Variants in SEPSECS observed in about 807,000 individuals in gnomAD.
SEPSECS encodes O-phosphoseryl-tRNA(Sec) selenium transferase.
SEPSECS carries 42 observed loss-of-function variants against 52.1 expected under a neutral mutation model. The observed-to-expected ratio is 0.81, with a 90% CI of 0.63 to 1.04. The LOEUF (loss-of-function observed/expected upper bound fraction) is 1.04. Ranked by LOEUF, SEPSECS falls within the 50% of genes least tolerant of loss-of-function variation. The pLI, the probability that SEPSECS is intolerant of heterozygous loss-of-function variation, is 0.00. For missense variants in SEPSECS, 590 were observed against 610.6 expected (o/e 0.97, Z 0.36); for synonymous variants, 216 against 211.4 (o/e 1.02, Z -0.19).
intron 8 of SEPSECS, among the ~76,000 whole-genome samples, chr4:25,138,770 C>T (rs1362103175): frequency 4.6e-5 from 7 of 152,140 alleles, no homozygotes; most frequent in Non-Finnish European, 8.8e-5. Context: ...TGCCCCAAAA[C>T]AAGGGCTATC....
rs754956032 is a variant in SEPSECS at position 25,155,106 on chromosome 4, A to G, written c.593T>C (p.Leu198Pro). ...CTCCACTGCTTTCAGGTCTGTACGC[A>G]GCTCGTCACCTTCCAAAACATTTTC... ...VIENVLEGDE[L>P]RTDLKAVEAK... Residue 198 changes from leucine (L) to proline (P), a missense_variant, in exon 5 of 11, where the codon CTG (leucine) becomes CCG (proline). Physicochemically the swap from Leu to Pro is moderately conservative, Grantham distance 98. Coordinates refer to ENST00000382103, the MANE Select transcript of SEPSECS (RefSeq NM_016955.4). The G allele has an allele frequency of 3.7e-6, 6 of 1,614,202 alleles. No homozygotes were observed. In the South Asian group the frequency reaches 5.5e-5, roughly 15 times the overall value.
intron 5 of SEPSECS, among the ~76,000 whole-genome samples, chr4:25,153,985 G>A (rs1054079713): frequency 2.6e-5 from 4 of 152,010 alleles, no homozygotes; most frequent in African/African-American, 9.7e-5. Flanking sequence ...TCCATATGCT[G>A]TTTTTCAAAA....
In SEPSECS at chr4:25,122,287, T is replaced by C. The variant is rs1728158327; in HGVS notation, c.*1644A>G. ...GGTCAAGCCAGTGGCCATAGGCGTC[T>C]ACCTTACACATGTCTGACCTCATGT... On this transcript the variant is annotated 3_prime_UTR_variant, in exon 11 of 11. Transcript: ENST00000382103. 1 of 152,160 alleles carries C rather than the reference T, an allele frequency of 6.6e-6. No homozygotes were observed. Among genetic ancestry groups the C allele is most frequent in the South Asian group, 2.1e-4 (1 of 4,832 alleles). 9.4% of individuals were successfully genotyped at this position (152,160 alleles called of 1,614,324 possible).
chr4:25,126,018 G>A (rs1056009572), intron 9 of SEPSECS, among the ~76,000 whole-genome samples: 13 of 152,096 alleles, frequency 8.5e-5, no homozygotes, highest in African/African-American at 3.1e-4. Flanking sequence ...GCCTTCAGGA[G>A]AGTAAATTTT....
rs561719478 is a variant in SEPSECS, at chr4:25,136,155, G to A, written c.1026+8619C>T. 2.0e-5 allele frequency among the ~76,000 whole-genome samples: 3 copies of A among 152,274 alleles called. No homozygotes were observed. In the South Asian group the frequency reaches 6.2e-4, roughly 32 times the overall value. ...TTGAAAACCAGCTCAAGACAAGGAT[G>A]CCCTCTCTCACCACTCTTATTCAAC... On this transcript the variant is annotated intron_variant, in intron 8 of 10. Coordinates refer to ENST00000382103, the MANE Select transcript of SEPSECS (RefSeq NM_016955.4).
At chr4:25,159,914 G>A (rs1362114738) in intron 1 of SEPSECS, 9 of 1,191,978 alleles carry the variant, frequency 7.6e-6, no homozygotes, top group Non-Finnish European at 9.5e-6. Flanking sequence ...CTGAGTCGTT[G>A]AGGGTTGGTG....
intron 5 of SEPSECS, among the ~76,000 whole-genome samples, chr4:25,152,664 C>G (rs879704744): frequency 6.6e-6 from 1 of 151,932 alleles, no homozygotes; most frequent in Non-Finnish European, 1.5e-5. Context: ...TCTACTCTTA[C>G]TTTTTCATTT....
chr4:25,150,296 T>C (rs900604969), intron 6 of SEPSECS, among the ~76,000 whole-genome samples: 4 of 152,246 alleles, frequency 2.6e-5, no homozygotes, highest in Admixed American at 2.0e-4. Flanking sequence ...AACATCATTA[T>C]GCACACAAAC....
chr4:25,135,092 C>T (rs1728783063), intron 8 of SEPSECS, among the ~76,000 whole-genome samples: 1 of 151,948 alleles, frequency 6.6e-6, no homozygotes, highest in South Asian at 2.1e-4. Flanking sequence ...GCACTAAATG[C>T]TCACATCAAA....
At position 25,120,192 on chromosome 4, in the gene SEPSECS, G is replaced by A. The variant is rs1728061883; in HGVS notation, c.*3739C>T. 2 of 152,100 alleles carry A rather than the reference G, an allele frequency of 1.3e-5. No homozygotes were observed. Among genetic ancestry groups the A allele is most frequent in the Admixed American group, 1.3e-4 (2 of 15,260 alleles). The allele number at this position is 152,100 out of a possible 1,614,324, so 9.4% of individuals were successfully genotyped here. A position where few individuals can be genotyped will look rare whatever the true frequency, so the allele number is the denominator to read the frequency against. On this transcript the variant is annotated 3_prime_UTR_variant, in exon 11 of 11. Transcript: ENST00000382103. ...CCCCACGGTTATACAGTTAAGCATAGCCTTTCTTTGTATTTCTCAAGTTGA... is the reference window on the plus strand; with the variant it reads ...CCCCACGGTTATACAGTTAAGCATAACCTTTCTTTGTATTTCTCAAGTTGA...
intron 6 of SEPSECS, among the ~76,000 whole-genome samples, chr4:25,147,328 G>A (rs1560331587): frequency 6.6e-6 from 1 of 152,182 alleles, no homozygotes; most frequent in Non-Finnish European, 1.5e-5. Flanking sequence ...GCTCTATGAG[G>A]GTTAAAGATT....
rs546349828 is a variant in SEPSECS, at chr4:25,133,787, A to G, written c.1027-6430T>C. 3.9e-5 allele frequency among the ~76,000 whole-genome samples: 6 copies of G among 152,152 alleles called. No homozygotes were observed. In the East Asian group the frequency reaches 1.2e-3, roughly 29 times the overall value. On this transcript the variant is annotated intron_variant, in intron 8 of 10. Transcript: ENST00000382103. Reference sequence around the variant, plus strand: ...GTTGAATATTTAGAGAAATGTTTCTATAAGAACATAGAAATATACAGTAGA... The same window carrying G: ...GTTGAATATTTAGAGAAATGTTTCTGTAAGAACATAGAAATATACAGTAGA...
At chr4:25,125,637 T>G in intron 10 of SEPSECS, 57 bp downstream of exon 10, 1 of 1,085,416 alleles carries the variant, frequency 9.2e-7, no homozygotes, top group Non-Finnish European at 1.4e-6. Flanking sequence ...AAAGGTATTT[T>G]ACTGGAGTTA....
At chr4:25,129,289 T>C (rs970198336) in intron 8 of SEPSECS, among the ~76,000 whole-genome samples, 1 of 152,010 alleles carries the variant, frequency 6.6e-6, no homozygotes, top group Non-Finnish European at 1.5e-5. Context: ...GTCATTATCA[T>C]TTCCAGAAAC....
At position 25,152,021 on chromosome 4, in the gene SEPSECS, G is replaced by A; in HGVS notation, c.743C>T (p.Pro248Leu). 9 of 1,599,538 alleles carry A rather than the reference G, an allele frequency of 5.6e-6. No homozygotes were observed. Among genetic ancestry groups the A allele is most frequent in the Non-Finnish European group, 7.7e-6 (9 of 1,167,042 alleles). ...LAVICANYDI[P>L]HIVNNAYGVQ... ...TCCATAAGCATTATTAACTATATGTGGAATGTCATAATTAGCACAAATCAC... is the reference window on the plus strand; with the variant it reads ...TCCATAAGCATTATTAACTATATGTAGAATGTCATAATTAGCACAAATCAC... The change falls in exon 6 of 11, where the codon CCA becomes CTA. Residue 248 changes from proline (P) to leucine (L), a missense_variant. Coordinates refer to ENST00000382103, the MANE Select transcript of SEPSECS (RefSeq NM_016955.4).
intron 6 of SEPSECS, among the ~76,000 whole-genome samples, chr4:25,151,566 T>C (rs1712300459): frequency 6.6e-6 from 1 of 152,208 alleles, no homozygotes; most frequent in Non-Finnish European, 1.5e-5. Flanking sequence ...TATACTAGCA[T>C]GTTTATAAAT....
At chr4:25,140,617 G>T (rs1729022440) in intron 8 of SEPSECS, among the ~76,000 whole-genome samples, 1 of 152,158 alleles carries the variant, frequency 6.6e-6, no homozygotes, top group African/African-American at 2.4e-5. Flanking sequence ...AATGTACTTA[G>T]AAGAGTGCCT....
At chr4:25,127,401 C>T in intron 8 of SEPSECS, 44 bp from the exon 9 acceptor site, 1 of 1,409,784 alleles carries the variant, frequency 7.1e-7, no homozygotes, top group African/African-American at 1.4e-5. Context: ...CAAATATCTA[C>T]TGCCAGATTT....
intron 1 of SEPSECS, chr4:25,159,409 G>A (rs1712906492): frequency 2.7e-6 from 1 of 366,352 alleles, no homozygotes; most frequent in East Asian, 6.4e-5. Context: ...CAGTGAAGAT[G>A]CTTCAAACCA....
Sources: allele counts gnomAD v4.1 joint callset (sites outside exome capture counted in the v4.1 genomes callset), GRCh38; gene constraint gnomAD v4.1.1; transcripts MANE v1.5; gene names NCBI Gene and HGNC (gene_info 2026-07-23, HGNC 2026-07-21).